The following CAMK2D variants were observed in gnomAD, a reference collection of about 807,000 sequenced individuals.
CAMK2D encodes calcium/calmodulin dependent protein kinase II delta, also known as calcium/calmodulin-dependent protein kinase type II subunit delta.
A neutral mutation model predicts 84.0 loss-of-function variants in CAMK2D; 37 were observed. That is an observed-to-expected ratio of 0.44 (90% CI 0.34 to 0.58). The LOEUF is 0.58. Among genes scored for constraint, CAMK2D ranks in the 20% least tolerant of loss-of-function variants. The pLI is 0.02. For synonymous variants in CAMK2D, 202 were observed against 212.5 expected (o/e 0.95, Z 0.43); for missense variants, 448 against 652.5 (o/e 0.69, Z 3.41).
intron 3 of CAMK2D, among the ~76,000 whole-genome samples, chr4:113,624,868 C>T (rs1384697374): frequency 6.6e-6 from 1 of 152,116 alleles, no homozygotes; most frequent in African/African-American, 2.4e-5. Context: ...CAAATAGGCA[C>T]CATAAGAATT....
At chr4:113,515,283 G>A (rs1346481665) in intron 9 of CAMK2D, 92 bp from the exon 10 acceptor site, 1 of 782,458 alleles carries the variant, frequency 1.3e-6, no homozygotes, top group East Asian at 2.8e-5. Context: ...CCCTCAAGTA[G>A]TGAATTTCTT....
intron 3 of CAMK2D, among the ~76,000 whole-genome samples, chr4:113,613,206 A>G (rs912730830): frequency 1.1e-4 from 16 of 152,300 alleles, no homozygotes; most frequent in Non-Finnish European, 2.4e-4. Flanking sequence ...ACATTTTGCC[A>G]TAAGCTTTTA....
At chr4:113,747,819 A>G (rs1159236238) in intron 2 of CAMK2D, among the ~76,000 whole-genome samples, 1 of 152,108 alleles carries the variant, frequency 6.6e-6, no homozygotes, top group Non-Finnish European at 1.5e-5. Flanking sequence ...AACCTCCAAC[A>G]GCTCTTGCCA....
chr4:113,676,964 T>C (rs2099320797), intron 2 of CAMK2D, among the ~76,000 whole-genome samples: 1 of 152,214 alleles, frequency 6.6e-6, no homozygotes, highest in African/African-American at 2.4e-5. Flanking sequence ...CCTGTTAATC[T>C]GTCCTATGTC....
intron 2 of CAMK2D, among the ~76,000 whole-genome samples, chr4:113,727,281 C>T (rs1593667178): frequency 6.6e-6 from 1 of 152,022 alleles, no homozygotes; most frequent in East Asian, 1.9e-4. Context: ...ATAAAACTAG[C>T]TTGAAAAAGA....
chr4:113,686,062 C>CA lies in CAMK2D; in HGVS notation c.161-24291dup, dbSNP rs111982570. Among the ~76,000 whole-genome samples the CA allele has an allele frequency of 3.4e-3, 391 of 115,922 alleles. 1 individual carries two copies. Among genetic ancestry groups the CA allele is most frequent in the African/African-American group, 8.5e-3 (270 of 31,856 alleles). The allele number at this position is 115,922 out of a possible 152,430, so 76.0% of individuals were successfully genotyped here. ...TGGGCAACAGAAAGAGATTCTGTCT[C>CA]AAAAAAAAAAAAAAGTGATAAACTA... On this transcript the variant is annotated intron_variant, in intron 2 of 20. Coordinates refer to ENST00000511664, the MANE Select transcript of CAMK2D (RefSeq NM_001321571.2).
In CAMK2D at chr4:113,457,455, A is replaced by C; in HGVS notation, c.1415T>G (p.Met472Arg). Residue 472 changes from methionine (M) to arginine (R), a missense_variant, in exon 19 of 21, where the codon ATG becomes AGG. This residue lies in a region of CAMK2D where 219 missense variants were observed against 272.1 expected (regional missense o/e 0.80). Transcript: ENST00000511664. Reference sequence around the variant, plus strand: ...TGTCTTTGGCATTCCACTGCCATCCATGTACTGTGTGAGCCTAATATATGC... The same window carrying C: ...TGTCTTTGGCATTCCACTGCCATCCCTGTACTGTGTGAGCCTAATATATGC... The part of the protein sequence containing the change: ...CIAYIRLTQY[M>R]DGSGMPKTMQ... The C allele has an allele frequency of 1.2e-6, 2 of 1,613,892 alleles. No individual in the cohort carries two copies. Among genetic ancestry groups the C allele is most frequent in the South Asian group, 2.2e-5 (2 of 91,084 alleles).
chr4:113,761,293 C>T lies in CAMK2D; in HGVS notation c.-225G>A. Reference sequence around the variant, plus strand: ...TCCTCCCCACAGTCCGCCGATCCTCCTCCTCCTGCGGGCCTCGCTTCCTTC... The same window carrying T: ...TCCTCCCCACAGTCCGCCGATCCTCTTCCTCCTGCGGGCCTCGCTTCCTTC... On this transcript the variant is annotated 5_prime_UTR_variant, in exon 1 of 21. Coordinates refer to ENST00000511664, the MANE Select transcript of CAMK2D (RefSeq NM_001321571.2). 7.0e-7 allele frequency: 1 copy of T among 1,426,182 alleles called. No individual in the cohort carries two copies. The highest frequency in any genetic ancestry group is 9.1e-7 in the Non-Finnish European group (1 of 1,094,260). The allele number at this position is 1,426,182 out of a possible 1,614,324, so 88.3% of individuals were successfully genotyped here.
chr4:113,585,900 G>A (rs1399698236), intron 4 of CAMK2D, among the ~76,000 whole-genome samples: 1 of 152,158 alleles, frequency 6.6e-6, no homozygotes, highest in East Asian at 1.9e-4. Context: ...TAATTGGCAT[G>A]TATATGCCTT....
rs112690796 is a variant in CAMK2D, at chr4:113,760,628, T to C, written c.65+376A>G. Among the ~76,000 whole-genome samples, 9 of 152,270 alleles carry C rather than the reference T, an allele frequency of 5.9e-5. 2 individuals carry two copies. Among genetic ancestry groups the C allele is most frequent in the African/African-American group, 1.9e-4 (8 of 41,556 alleles). Reference sequence around the variant, plus strand: ...CTATTTACAGAAAACATGATCTATGTTGCATTTTACATGGGTTCTAATTTC... The same window carrying C: ...CTATTTACAGAAAACATGATCTATGCTGCATTTTACATGGGTTCTAATTTC... On this transcript the variant is annotated intron_variant, in intron 1 of 20. Coordinates refer to ENST00000511664, the MANE Select transcript of CAMK2D (RefSeq NM_001321571.2).
intron 3 of CAMK2D, among the ~76,000 whole-genome samples, chr4:113,647,781 T>C (rs1320824196): frequency 6.6e-6 from 1 of 152,244 alleles, no homozygotes; most frequent in Non-Finnish European, 1.5e-5. Flanking sequence ...ATCCATATTA[T>C]GAATATATTC....
intron 3 of CAMK2D, among the ~76,000 whole-genome samples, chr4:113,644,386 T>A (rs113133844): frequency 8.5e-5 from 13 of 152,232 alleles, no homozygotes; most frequent in African/African-American, 2.9e-4. Flanking sequence ...TCAAAGGTAA[T>A]CTGAAATAGA....
intron 4 of CAMK2D, among the ~76,000 whole-genome samples, chr4:113,608,138 G>A (rs1410421573): frequency 6.6e-6 from 1 of 152,132 alleles, no homozygotes; most frequent in Non-Finnish European, 1.5e-5. Flanking sequence ...TGAAAATGTG[G>A]TAGTCAATTT....
chr4:113,566,996 T>C (rs1371951719), intron 4 of CAMK2D, among the ~76,000 whole-genome samples: 3 of 152,068 alleles, frequency 2.0e-5, no homozygotes, highest in African/African-American at 4.8e-5. Flanking sequence ...GCAGAGTATA[T>C]GCATATAGCA....
chr4:113,649,269 C>T (rs1197570742), intron 3 of CAMK2D, among the ~76,000 whole-genome samples: 2 of 152,102 alleles, frequency 1.3e-5, no homozygotes, highest in East Asian at 3.9e-4. Context: ...CTAAATCTGT[C>T]CTAAAAAACT....
intron 3 of CAMK2D, among the ~76,000 whole-genome samples, chr4:113,611,620 T>C (rs1271896948): frequency 6.6e-6 from 1 of 152,216 alleles, no homozygotes; most frequent in African/African-American, 2.4e-5. Context: ...CAATAATTTC[T>C]GTCTATCCTG....
intron 8 of CAMK2D, among the ~76,000 whole-genome samples, chr4:113,518,153 G>T (rs2098311047): frequency 6.6e-6 from 1 of 152,056 alleles, no homozygotes; most frequent in African/African-American, 2.4e-5. Context: ...GCAAATGTGG[G>T]TACCCCATAG....
At chr4:113,471,977 T>C (rs1165812705) in intron 16 of CAMK2D, among the ~76,000 whole-genome samples, 2 of 152,200 alleles carry the variant, frequency 1.3e-5, no homozygotes, top group Non-Finnish European at 2.9e-5. Flanking sequence ...TCCTGGCTCT[T>C]TGATAACTGT....
intron 16 of CAMK2D, among the ~76,000 whole-genome samples, chr4:113,486,829 T>C (rs1203414567): frequency 1.3e-5 from 2 of 152,224 alleles, no homozygotes; most frequent in Admixed American, 1.3e-4. Context: ...TCACTCTCTA[T>C]TGATTTATAC....
Sources: allele counts gnomAD v4.1 joint callset (sites outside exome capture counted in the v4.1 genomes callset), GRCh38; gene constraint gnomAD v4.1.1; regional missense constraint gnomAD v4.1.1; transcripts MANE v1.5; gene names NCBI Gene and HGNC (gene_info 2026-07-23, HGNC 2026-07-21).